The following PACRG variants were observed in gnomAD, a reference collection of about 807,000 sequenced individuals.
The protein encoded by PACRG is parkin coregulated.
Under a neutral mutation model 29.7 loss-of-function variants are expected in PACRG, and 29 were observed. That is an observed-to-expected ratio of 0.98 (90% CI 0.73 to 1.33). The LOEUF (loss-of-function observed/expected upper bound fraction) is 1.33. PACRG is among the 40% of genes most tolerant of loss of function. The pLI is 0.00. For synonymous variants in PACRG, 116 were observed against 118.7 expected (o/e 0.98, Z 0.15); for missense variants, 279 against 316.2 (o/e 0.88, Z 0.89).
rs1182802929 is a variant in PACRG, at chr6:162,947,639, TATATATATAC to T, written c.292-114509_292-114500del. 1.4e-3 allele frequency among the ~76,000 whole-genome samples: 112 copies of T among 82,708 alleles called. 11 individuals carry two copies. The highest frequency in any genetic ancestry group is 3.5e-3 in the African/African-American group (73 of 20,740). 54.3% of individuals were successfully genotyped at this position (82,708 alleles called of 152,430 possible). The stretch of plus-strand genomic sequence containing the variant: ...ATATATATATATATATATATATATA[TATATATATAC>T]ACCCAAAGATTCCACCAAAAATCTC... On this transcript the variant is annotated intron_variant, in intron 2 of 4. Transcript: ENST00000366888.
intron 2 of PACRG, among the ~76,000 whole-genome samples, chr6:163,020,999 C>T (rs1384763470): frequency 6.6e-6 from 1 of 152,168 alleles, no homozygotes; most frequent in East Asian, 1.9e-4. Context: ...CCTTATCTTG[C>T]TCTTCAGAGG....
At chr6:162,794,896 A>T (rs564812727) in intron 1 of PACRG, among the ~76,000 whole-genome samples, 7 of 152,200 alleles carry the variant, frequency 4.6e-5, no homozygotes, top group African/African-American at 7.2e-5. Context: ...ATTCTATGGT[A>T]CATTAGAAAG....
At chr6:163,059,095 A>AT (rs2128258678) in intron 2 of PACRG, among the ~76,000 whole-genome samples, 1 of 151,720 alleles carries the variant, frequency 6.6e-6, no homozygotes, top group Non-Finnish European at 1.5e-5. Flanking sequence ...AAAAAAAAAA[A>AT]GTTAAAAAAA....
intron 2 of PACRG, among the ~76,000 whole-genome samples, chr6:162,844,735 A>G (rs1186452888): frequency 6.6e-6 from 1 of 152,216 alleles, no homozygotes; most frequent in Non-Finnish European, 1.5e-5. Flanking sequence ...ATTACAAATT[A>G]GTGGTTTTCA....
chr6:163,251,527 C>T (rs1204106986), intron 4 of PACRG, among the ~76,000 whole-genome samples: 4 of 152,096 alleles, frequency 2.6e-5, no homozygotes, highest in Non-Finnish European at 4.4e-5. Context: ...TCTATGGGGT[C>T]CTGATTTTTA....
At chr6:163,119,387 C>T (rs1053094576) in intron 4 of PACRG, among the ~76,000 whole-genome samples, 1 of 152,222 alleles carries the variant, frequency 6.6e-6, no homozygotes, top group African/African-American at 2.4e-5. Flanking sequence ...TTCAGGACAC[C>T]ACCTGGCACC....
chr6:163,313,187 A>G (rs943576489), intron 4 of PACRG, among the ~76,000 whole-genome samples: 31 of 152,012 alleles, frequency 2.0e-4, no homozygotes, highest in African/African-American at 7.0e-4. Flanking sequence ...TTTACCTGTG[A>G]CAGCACAAAC....
At chr6:162,952,427 A>T (rs186128631) in intron 2 of PACRG, among the ~76,000 whole-genome samples, 1 of 152,198 alleles carries the variant, frequency 6.6e-6, no homozygotes, top group Admixed American at 6.5e-5. Context: ...TCCATCAGAA[A>T]CCACTTCAAC....
intron 2 of PACRG, among the ~76,000 whole-genome samples, chr6:162,989,453 A>C (rs955231452): frequency 2.0e-5 from 3 of 152,224 alleles, no homozygotes; most frequent in Non-Finnish European, 4.4e-5. Flanking sequence ...AGTACCTGAC[A>C]TGAAATGACA....
At chr6:162,860,375 A>C (rs1278012286) in intron 2 of PACRG, among the ~76,000 whole-genome samples, 1 of 152,216 alleles carries the variant, frequency 6.6e-6, no homozygotes, top group African/African-American at 2.4e-5. Flanking sequence ...AAAATGGTAC[A>C]GAAAAACGGG....
At chr6:163,210,539 C>T (rs949722443) in intron 4 of PACRG, among the ~76,000 whole-genome samples, 1 of 152,172 alleles carries the variant, frequency 6.6e-6, no homozygotes, top group South Asian at 2.1e-4. Flanking sequence ...GGGCTGAGGA[C>T]CATAACCTCT....
At position 162,798,534 on chromosome 6, in the gene PACRG, G is replaced by T. The variant is rs1284516376; in HGVS notation, c.157-15613G>T. Among the ~76,000 whole-genome samples the T allele has an allele frequency of 3.3e-5, 5 of 152,002 alleles. No homozygotes were observed. In the East Asian group the frequency reaches 7.7e-4, roughly 23 times the overall value. ...AATTTTACAGCAAGTGAGGCTTATG[G>T]TTCCTTTTTATTTTTATTCATCTTA... On this transcript the variant is annotated intron_variant, in intron 1 of 4. Transcript: ENST00000366888.
At chr6:162,782,304 G>A (rs929336732) in intron 1 of PACRG, among the ~76,000 whole-genome samples, 1 of 151,792 alleles carries the variant, frequency 6.6e-6, no homozygotes, top group African/African-American at 2.4e-5. Flanking sequence ...TATTCCTCAA[G>A]AACAGATGGA....
chr6:162,763,219 A>G (rs1252561164), intron 1 of PACRG, among the ~76,000 whole-genome samples: 1 of 152,226 alleles, frequency 6.6e-6, no homozygotes, highest in African/African-American at 2.4e-5. Context: ...TATGGCTTGC[A>G]GTAAATGTTA....
intron 2 of PACRG, among the ~76,000 whole-genome samples, chr6:162,984,111 G>A (rs1435105041): frequency 2.0e-5 from 3 of 151,734 alleles, no homozygotes; most frequent in South Asian, 4.2e-4. Context: ...TGAGATTTTG[G>A]TGCACCCATC....
At chr6:163,220,076 AG>A (rs1296530817) in intron 4 of PACRG, among the ~76,000 whole-genome samples, 1 of 152,188 alleles carries the variant, frequency 6.6e-6, no homozygotes, top group African/African-American at 2.4e-5. Flanking sequence ...TGTGAGCCCC[AG>A]TCCAAGCAAG....
At chr6:162,839,677 G>T (rs1417688906) in intron 2 of PACRG, among the ~76,000 whole-genome samples, 1 of 152,142 alleles carries the variant, frequency 6.6e-6, no homozygotes, top group Non-Finnish European at 1.5e-5. Context: ...CCATGCCTAT[G>T]TCCTGAATGG....
intron 1 of PACRG, among the ~76,000 whole-genome samples, chr6:162,773,672 G>A (rs369573888): frequency 4.0e-5 from 6 of 151,382 alleles, no homozygotes; most frequent in African/African-American, 1.2e-4. Flanking sequence ...CCGCCACCGC[G>A]CCCGGCTAAT....
intron 1 of PACRG, among the ~76,000 whole-genome samples, chr6:162,770,973 G>C (rs1391778106): frequency 6.6e-6 from 1 of 151,976 alleles, no homozygotes; most frequent in Non-Finnish European, 1.5e-5. Context: ...AGTTCTAGGG[G>C]ACAATCCCTA....
Sources: gnomAD v4.1 joint callset for allele counts (sites outside exome capture counted in the v4.1 genomes callset) on GRCh38, gnomAD v4.1.1 for gene constraint, MANE v1.5 for transcripts, NCBI Gene and HGNC (gene_info 2026-07-23, HGNC 2026-07-21) for gene names.